IL1RAPL2: variants seen among roughly 807,000 people sequenced by gnomAD.
IL1RAPL2 encodes the protein X-linked interleukin-1 receptor accessory protein-like 2.
In IL1RAPL2, 3 loss-of-function variants were observed where a neutral mutation model predicts 44.1. That is an observed-to-expected ratio of 0.07 (90% CI 0.03 to 0.18). The LOEUF is 0.18. Ranked by LOEUF, IL1RAPL2 falls within the 10% of genes least tolerant of loss-of-function variation. IL1RAPL2 has a pLI of 1.00. For missense variants in IL1RAPL2, 391 were observed against 496.4 expected, an observed-to-expected ratio of 0.79 and a Z score of 2.02; for synonymous variants, 181 against 178.8, an observed-to-expected ratio of 1.01 and a Z score of -0.10.
chrX:105,688,726 A>C (rs1394546921), intron 6 of IL1RAPL2, among the ~76,000 whole-genome samples: 1 of 111,828 alleles, frequency 8.9e-6, no homozygotes, highest in African/African-American at 3.2e-5. Flanking sequence ...AAACTACTTT[A>C]AAGTTCATAT....
chrX:105,278,634 A>G (rs1603044886), intron 5 of IL1RAPL2, among the ~76,000 whole-genome samples: 1 of 111,861 alleles, frequency 8.9e-6, no homozygotes, highest in African/African-American at 3.3e-5. Context: ...GTCAAGGATT[A>G]TACTTTATAA....
intron 6 of IL1RAPL2, among the ~76,000 whole-genome samples, chrX:105,495,057 G>C (rs2036347746): frequency 8.9e-6 from 1 of 112,496 alleles, no homozygotes; most frequent in African/African-American, 3.2e-5. Flanking sequence ...AAAGTCAAAG[G>C]CTGAAAGCCA....
rs1932756405 is a variant in IL1RAPL2, at chrX:104,778,998, C to T, written c.82+120003C>T. On this transcript the variant is annotated intron_variant, in intron 2 of 10. Transcript: ENST00000372582. Reference sequence around the variant, plus strand: ...GTGTCCCTAGAGATGATAATTGTAACCCATCCTAACATAACCCTTCTCTTC... The same window carrying T: ...GTGTCCCTAGAGATGATAATTGTAATCCATCCTAACATAACCCTTCTCTTC... 3.6e-5 allele frequency among the ~76,000 whole-genome samples: 4 copies of T among 110,930 alleles called. No homozygotes were observed. The Admixed American group carries it at 3.9e-4, about 11-fold the overall frequency.
chrX:105,065,040 G>A (rs1327878044), intron 2 of IL1RAPL2, among the ~76,000 whole-genome samples: 2 of 112,384 alleles, frequency 1.8e-5, no homozygotes, highest in Admixed American at 9.4e-5. Flanking sequence ...TGATTTAGGG[G>A]ACTGCATGTT....
In IL1RAPL2 at chrX:105,267,527, A is replaced by C; in HGVS notation, c.683A>C (p.Glu228Ala). The C allele has an allele frequency of 1.7e-6, 2 of 1,186,436 alleles. No homozygotes were observed. Among genetic ancestry groups the C allele is most frequent in the Non-Finnish European group, 1.1e-6 (1 of 882,317 alleles). The stretch of plus-strand genomic sequence containing the variant: ...GGAAAACTTGTAAGACGAACAACTG[A>C]ATTGAAAGTTACAGGTAGGAATCAG... ...YEGKLVRRTT[E>A]LKVTALLTDK... Residue 228 changes from glutamate (E) to alanine (A), a missense_variant, in exon 5 of 11, where the codon GAA (glutamate) becomes GCA (alanine). Around this residue, in one of 2 missense-constraint regions of IL1RAPL2, gnomAD observed 159 missense variants for 251.7 expected, o/e 0.63. Transcript: ENST00000372582.
intron 2 of IL1RAPL2, among the ~76,000 whole-genome samples, chrX:104,953,703 T>G (rs1469847685): frequency 9.0e-6 from 1 of 111,562 alleles, no homozygotes; most frequent in Admixed American, 9.6e-5. Context: ...TGAGTATAAA[T>G]ATTTTTTCTC....
chrX:104,931,998 T>A (rs12844514), intron 2 of IL1RAPL2, among the ~76,000 whole-genome samples: 2,070 of 44,207 alleles, frequency 0.047, 59 homozygotes, highest in African/African-American at 0.12. Flanking sequence ...ATATATATAT[T>A]TTTTTTTTTT....
rs756231452 is a variant in IL1RAPL2 at position 105,034,537 on chromosome X, C to T, written c.83-160938C>T. 2.2e-4 allele frequency among the ~76,000 whole-genome samples: 25 copies of T among 112,099 alleles called. No individual in the cohort carries two copies. In the South Asian group the frequency reaches 4.8e-3, roughly 22 times the overall value. Reference sequence around the variant, plus strand: ...ATCAGCAGCGGTGGCTGCAGAACAGCGGTGGCTGTAGAACAGCGGATATTG... The same window carrying T: ...ATCAGCAGCGGTGGCTGCAGAACAGTGGTGGCTGTAGAACAGCGGATATTG... On this transcript the variant is annotated intron_variant, in intron 2 of 10. Coordinates refer to ENST00000372582, the MANE Select transcript of IL1RAPL2 (RefSeq NM_017416.2).
At chrX:104,899,124 C>T (rs1343409) in intron 2 of IL1RAPL2, among the ~76,000 whole-genome samples, 2,285 of 111,416 alleles carry the variant, frequency 0.021, 81 homozygotes, top group East Asian at 0.17. Context: ...CATTTGCAAT[C>T]GGCCTATTAT....
intron 5 of IL1RAPL2, among the ~76,000 whole-genome samples, chrX:105,302,956 T>G (rs918853601): frequency 1.8e-5 from 2 of 111,961 alleles, no homozygotes; most frequent in Non-Finnish European, 3.8e-5. Context: ...GGCTAGGGCT[T>G]GTCTAAATGC....
chrX:105,062,979 C>A lies in IL1RAPL2; in HGVS notation c.83-132496C>A, dbSNP rs1215417023. Among the ~76,000 whole-genome samples, 4 of 111,394 alleles carry A rather than the reference C, an allele frequency of 3.6e-5. No homozygotes were observed. The Admixed American group carries it at 3.8e-4, about 11-fold the overall frequency. On this transcript the variant is annotated intron_variant, in intron 2 of 10. Coordinates refer to ENST00000372582, the MANE Select transcript of IL1RAPL2 (RefSeq NM_017416.2). ...TGTACTTGAATATTGATATCTTTCT[C>A]TAGGTTTGGGAAGTTGTCTGTTATC... is the stretch of plus-strand genomic sequence containing the variant.
chrX:105,568,889 A>G (rs911933656), intron 6 of IL1RAPL2, among the ~76,000 whole-genome samples: 1 of 111,984 alleles, frequency 8.9e-6, no homozygotes, highest in Non-Finnish European at 1.9e-5. Context: ...AAAATAATTG[A>G]CATAGCATCT....
chrX:105,548,337 C>A (rs755054633), intron 6 of IL1RAPL2, among the ~76,000 whole-genome samples: 14 of 110,825 alleles, frequency 1.3e-4, no homozygotes, highest in African/African-American at 4.6e-4. Flanking sequence ...CCAAACTAGT[C>A]TGGAGGAGGT....
At chrX:105,094,713 C>CA (rs56943264) in intron 2 of IL1RAPL2, among the ~76,000 whole-genome samples, 2,274 of 107,326 alleles carry the variant, frequency 0.021, 66 homozygotes, top group African/African-American at 0.07. Context: ...TTCATTTCTG[C>CA]AAAAAAAAAG....
At chrX:104,787,366 G>A (rs752142301) in intron 2 of IL1RAPL2, among the ~76,000 whole-genome samples, 6 of 111,291 alleles carry the variant, frequency 5.4e-5, no homozygotes, top group East Asian at 5.7e-4. Flanking sequence ...TTTCTGGCTC[G>A]CCCTTGATAC....
intron 5 of IL1RAPL2, among the ~76,000 whole-genome samples, chrX:105,350,017 G>A (rs1486112003): frequency 8.9e-6 from 1 of 112,182 alleles, no homozygotes; most frequent in African/African-American, 3.2e-5. Flanking sequence ...AGCCCTACCA[G>A]AATATGTGGC....
At chrX:104,912,089 T>G (rs1924256208) in intron 2 of IL1RAPL2, among the ~76,000 whole-genome samples, 1 of 111,706 alleles carries the variant, frequency 9.0e-6, no homozygotes, top group Admixed American at 9.6e-5. Context: ...TCAGATATTT[T>G]AGAAATGCAT....
At chrX:105,424,151 A>T (rs1257866267) in intron 5 of IL1RAPL2, among the ~76,000 whole-genome samples, 1 of 112,398 alleles carries the variant, frequency 8.9e-6, no homozygotes, top group Non-Finnish European at 1.9e-5. Flanking sequence ...AAGGTTGAGG[A>T]TGCACACCCG....
chrX:105,292,585 A>C (rs1366933145), intron 5 of IL1RAPL2, among the ~76,000 whole-genome samples: 2 of 112,189 alleles, frequency 1.8e-5, no homozygotes, highest in African/African-American at 6.5e-5. Context: ...TAAGCCAGGC[A>C]TTAAACAGAT....
Sources: gnomAD v4.1 joint callset for allele counts (sites outside exome capture counted in the v4.1 genomes callset) on GRCh38, gnomAD v4.1.1 for gene constraint, gnomAD v4.1.1 regional missense constraint, MANE v1.5 for transcripts, NCBI Gene and HGNC (gene_info 2026-07-23, HGNC 2026-07-21) for gene names.